ATP11C: variants seen among roughly 807,000 people sequenced by gnomAD.
ATP11C encodes phospholipid-transporting ATPase IG.
A neutral mutation model predicts 97.4 loss-of-function variants in ATP11C; 36 were observed. The ratio of observed to expected loss-of-function variants is 0.37; its 90% CI spans 0.28 to 0.49. ATP11C has a LOEUF of 0.49. ATP11C is among the 20% of genes least tolerant of loss of function. The pLI is 0.98. For synonymous variants in ATP11C, 275 were observed against 290.9 expected, an observed-to-expected ratio of 0.95 and a Z score of 0.56; for missense variants, 730 against 824.6, an observed-to-expected ratio of 0.89 and a Z score of 1.40.
intron 1 of ATP11C, among the ~76,000 whole-genome samples, chrX:139,889,853 G>C (rs1361831840): frequency 9.0e-6 from 1 of 111,677 alleles, no homozygotes. Flanking sequence ...TACTCCATTT[G>C]GTATTTATTC....
chrX:139,926,409 C>T (rs112137684), intron 1 of ATP11C, among the ~76,000 whole-genome samples: 356 of 112,005 alleles, frequency 3.2e-3, no homozygotes, highest in Middle Eastern at 0.014. Context: ...ACTCAACAAA[C>T]CAGTATTTGA....
chrX:139,857,503 C>T (rs1348427847), intron 1 of ATP11C, among the ~76,000 whole-genome samples: 1 of 111,674 alleles, frequency 9.0e-6, no homozygotes, highest in Admixed American at 9.5e-5. Context: ...TCACCTGCTC[C>T]ACTCTAACTC....
At chrX:139,765,514 G>C (rs2082119068) in intron 20 of ATP11C, among the ~76,000 whole-genome samples, 1 of 112,283 alleles carries the variant, frequency 8.9e-6, no homozygotes, top group South Asian at 3.7e-4. Context: ...ATACATGCCA[G>C]AGTGATCAGG....
chrX:139,918,433 G>A (rs971298361), intron 1 of ATP11C, among the ~76,000 whole-genome samples: 7 of 109,784 alleles, frequency 6.4e-5, no homozygotes, highest in African/African-American at 2.3e-4. Context: ...CCAACATGGC[G>A]AAACCCCGTC....
At chrX:139,859,952 A>G (rs1160457666) in intron 1 of ATP11C, among the ~76,000 whole-genome samples, 2 of 94,671 alleles carry the variant, frequency 2.1e-5, no homozygotes, top group East Asian at 7.1e-4. Context: ...AATACAAAAA[A>G]AAATTAGCCG....
At position 139,804,506 on chromosome X, in the gene ATP11C, T is replaced by C. The variant is rs1336173919; in HGVS notation, c.520A>G (p.Thr174Ala). 1 of 1,204,636 alleles carries C rather than the reference T, an allele frequency of 8.3e-7. No homozygotes were observed. The highest frequency in any genetic ancestry group is 1.1e-6 in the Non-Finnish European group (1 of 891,410). Reference protein sequence around the residue: ...SCTTDGTCYVTTASLDGESNC... With the variant: ...SCTTDGTCYVATASLDGESNC... ...GATTCCCCATCAAGACTGGCTGTAG[T>C]GACATAACAGGTTCCATCAGTGGTG... Residue 174 changes from threonine (T) to alanine (A), a missense_variant, in exon 6 of 30, where the codon ACT becomes GCT. Transcript: ENST00000682941.
chrX:139,814,699 G>A (rs963335785), intron 5 of ATP11C, among the ~76,000 whole-genome samples, 179 bp downstream of exon 5: 1 of 111,221 alleles, frequency 9.0e-6, no homozygotes, highest in Non-Finnish European at 1.9e-5. Context: ...TGGGAGGAGG[G>A]AGAAATGTGG....
intron 9 of ATP11C, 62 bp downstream of exon 9, chrX:139,798,617 C>T (rs994474360): frequency 1.1e-6 from 1 of 915,194 alleles, no homozygotes; most frequent in South Asian, 2.2e-5. Flanking sequence ...TTAATATGCA[C>T]TATTTATTCA....
chrX:139,906,574 G>C (rs1158467857), intron 1 of ATP11C, among the ~76,000 whole-genome samples: 1 of 110,099 alleles, frequency 9.1e-6, no homozygotes, highest in Non-Finnish European at 1.9e-5. Flanking sequence ...ACGAGGTCAG[G>C]AGTTCAAGAC....
chrX:139,757,470 C>T (rs1278226733), intron 23 of ATP11C, among the ~76,000 whole-genome samples: 2 of 111,597 alleles, frequency 1.8e-5, no homozygotes, highest in Non-Finnish European at 3.8e-5. Context: ...TAAAACTAAC[C>T]TGAAAGCCTG....
intron 1 of ATP11C, among the ~76,000 whole-genome samples, chrX:139,901,909 G>T (rs1174360494): frequency 9.0e-6 from 1 of 110,704 alleles, no homozygotes; most frequent in African/African-American, 3.3e-5. Context: ...GTCCCTGATA[G>T]ATTTTTTTTT....
At chrX:139,736,960 A>T (rs1320404148) in intron 28 of ATP11C, among the ~76,000 whole-genome samples, 1 of 111,510 alleles carries the variant, frequency 9.0e-6, no homozygotes, top group Non-Finnish European at 1.9e-5. Flanking sequence ...GGATTCTATC[A>T]ATTCAACAGG....
At chrX:139,905,126 C>T (rs1387758095) in intron 1 of ATP11C, among the ~76,000 whole-genome samples, 1 of 111,935 alleles carries the variant, frequency 8.9e-6, no homozygotes, top group Non-Finnish European at 1.9e-5. Context: ...GCTAACTCTA[C>T]AAAATGTTGT....
intron 1 of ATP11C, among the ~76,000 whole-genome samples, chrX:139,868,603 T>C (rs2084321954): frequency 9.3e-6 from 1 of 107,023 alleles, no homozygotes; most frequent in South Asian, 4.1e-4. Flanking sequence ...GCGGTGCGCC[T>C]GTAGTCCCAG....
intron 1 of ATP11C, among the ~76,000 whole-genome samples, chrX:139,858,114 C>G (rs1337755626): frequency 8.8e-6 from 1 of 113,136 alleles, no homozygotes; most frequent in Admixed American, 9.3e-5. Flanking sequence ...CATGGGGCAA[C>G]TCAGCAAGAA....
intron 1 of ATP11C, among the ~76,000 whole-genome samples, chrX:139,900,849 T>C (rs1603414906): frequency 8.9e-6 from 1 of 112,194 alleles, no homozygotes. Context: ...TTCTTAATAT[T>C]GAAATCCTAA....
At chrX:139,826,906 A>G in intron 1 of ATP11C, 83 bp from the exon 2 acceptor site, 1 of 1,015,663 alleles carries the variant, frequency 9.8e-7, no homozygotes, top group Non-Finnish European at 1.3e-6. Flanking sequence ...TTGTCCAAGC[A>G]TGCTGGGCCA....
chrX:139,831,888 A>C (rs1054028854), intron 1 of ATP11C, among the ~76,000 whole-genome samples: 1 of 111,255 alleles, frequency 9.0e-6, no homozygotes, highest in African/African-American at 3.3e-5. Context: ...ACAAAACCTC[A>C]GAAGTTCCCT....
chrX:139,787,241 G>A lies in ATP11C; in HGVS notation c.1524C>T (p.Tyr508=), dbSNP rs2082592457. The change falls in exon 15 of 30, where the codon TAC becomes TAT. Residue 508 remains tyrosine, a synonymous_variant. Coordinates refer to ENST00000682941, the MANE Select transcript of ATP11C (RefSeq NM_001353812.2). ...EIALVKGAKR[Y]GFTFLGNRNG... ...TTCGATTTCCTAAAAATGTGAACCC[G>A]TACCTATCAAAAACAATAAAAAAGA... 2 of 1,161,104 alleles carry A rather than the reference G, an allele frequency of 1.7e-6. No individual in the cohort carries two copies. The highest frequency in any genetic ancestry group is 1.9e-5 in the South Asian group (1 of 52,700).
Sources: allele counts gnomAD v4.1 joint callset (sites outside exome capture counted in the v4.1 genomes callset), GRCh38; gene constraint gnomAD v4.1.1; transcripts MANE v1.5; gene names NCBI Gene and HGNC (gene_info 2026-07-23, HGNC 2026-07-21).